Variants in ABHD2 observed in about 807,000 individuals in gnomAD.
ABHD2 encodes abhydrolase domain containing 2, acylglycerol lipase, also known as monoacylglycerol lipase ABHD2.
In ABHD2, 20 loss-of-function variants were observed where a neutral mutation model predicts 48.1. That is an observed-to-expected ratio of 0.42 (90% CI 0.29 to 0.60). The LOEUF (loss-of-function observed/expected upper bound fraction) is 0.60, where lower values mean the gene tolerates loss of function less well. Ranked by LOEUF, ABHD2 falls within the 20% of genes least tolerant of loss-of-function variation. The pLI is 0.24. For synonymous variants in ABHD2, 209 were observed against 214.2 expected, an observed-to-expected ratio of 0.98 and a Z score of 0.21; for missense variants, 405 against 550.9, an observed-to-expected ratio of 0.74 and a Z score of 2.65.
rs1029584266 is a variant in ABHD2, at chr15:89,197,912, T to C, written c.*2489T>C. 6.6e-6 allele frequency: 1 copy of C among 152,248 alleles called. No individual in the cohort carries two copies. Among genetic ancestry groups the C allele is most frequent in the Non-Finnish European group, 1.5e-5 (1 of 68,050 alleles). The allele number at this position is 152,248 out of a possible 1,614,324, so 9.4% of individuals were successfully genotyped here. A position where few individuals can be genotyped will look rare whatever the true frequency, so the allele number is the denominator to read the frequency against. On this transcript the variant is annotated 3_prime_UTR_variant, in exon 11 of 11. Coordinates refer to ENST00000352732, the MANE Select transcript of ABHD2 (RefSeq NM_152924.5). The surrounding 1 kb of genome is among the most constrained non-coding windows in gnomAD (Gnocchi z 4.4). ...ACTAACTGAAGCCCTTTGTTCAAGCTTCAGGCTCTTAGGCATGGAAATGAG... is the reference window on the plus strand; with the variant it reads ...ACTAACTGAAGCCCTTTGTTCAAGCCTCAGGCTCTTAGGCATGGAAATGAG...
chr15:89,130,595 C>T lies in ABHD2; in HGVS notation c.194+14074C>T, dbSNP rs74386477. 3.7e-3 allele frequency among the ~76,000 whole-genome samples: 569 copies of T among 152,246 alleles called. 5 individuals carry two copies. The highest frequency in any genetic ancestry group is 0.013 in the African/African-American group (550 of 41,542). On this transcript the variant is annotated intron_variant, in intron 3 of 10. Coordinates refer to ENST00000352732, the MANE Select transcript of ABHD2 (RefSeq NM_152924.5). Reference sequence around the variant, plus strand: ...ATGGCTTTAGGCTGCTAAAAGCCTACAAAAGAAACAGAACAATAACAACAA... The same window carrying T: ...ATGGCTTTAGGCTGCTAAAAGCCTATAAAAGAAACAGAACAATAACAACAA...
At position 89,120,536 on chromosome 15, in the gene ABHD2, G is replaced by A. The variant is rs577828747; in HGVS notation, c.194+4015G>A. 4.6e-5 allele frequency among the ~76,000 whole-genome samples: 7 copies of A among 152,198 alleles called. No individual in the cohort carries two copies. In the South Asian group the frequency reaches 1.5e-3, roughly 32 times the overall value. On this transcript the variant is annotated intron_variant, in intron 3 of 10. Transcript: ENST00000352732. The surrounding 1 kb of genome is among the most constrained non-coding windows in gnomAD (Gnocchi z 4.2). ...ACTCTGTTGCCTAGGCTGGAGTACA[G>A]TGGCGCAATCTCAAATCTCGGTTCA...
At chr15:89,183,384 A>AAAAATATATATATATATAT (rs61602174) in intron 6 of ABHD2, 1 of 46,268 alleles carries the variant, frequency 2.2e-5, no homozygotes, top group African/African-American at 6.9e-5. Flanking sequence ...AAAAAAAAAA[A>AAAAATATATATATATATAT]ATATATATAT....
rs981623858 is a variant in ABHD2, at chr15:89,199,938, C to T, written c.*4515C>T. 6.6e-6 allele frequency: 1 copy of T among 152,530 alleles called. No homozygotes were observed. Among genetic ancestry groups the T allele is most frequent in the Non-Finnish European group, 1.5e-5 (1 of 68,052 alleles). 9.4% of individuals were successfully genotyped at this position (152,530 alleles called of 1,614,324 possible). Reference sequence around the variant, plus strand: ...GAGGGAACTGGAATGCCACACAAGGCAAGGCCTGCTTCCTTCCTTCCCCTC... The same window carrying T: ...GAGGGAACTGGAATGCCACACAAGGTAAGGCCTGCTTCCTTCCTTCCCCTC... On this transcript the variant is annotated 3_prime_UTR_variant, in exon 11 of 11. Transcript: ENST00000352732. The surrounding 1 kb of genome is among the most constrained non-coding windows in gnomAD (Gnocchi z 4.1).
chr15:89,117,776 A>AG (rs1400001076), intron 3 of ABHD2, among the ~76,000 whole-genome samples: 7 of 152,224 alleles, frequency 4.6e-5, no homozygotes, highest in African/African-American at 1.7e-4. Context: ...CTCTTCTAAG[A>AG]GCAGACAAAT....
chr15:89,169,286 A>G (rs1173108787), intron 5 of ABHD2, among the ~76,000 whole-genome samples: 1 of 152,174 alleles, frequency 6.6e-6, no homozygotes, highest in Non-Finnish European at 1.5e-5. Context: ...ATGAGTAGAC[A>G]TGGCCCTACT....
In ABHD2 at chr15:89,182,909, C is replaced by G. The variant is rs2051136693; in HGVS notation, c.723-2515C>G. ...TTGTGATTTGCATCTAAAATTGAACCCCAGTGTAGCCACTACCAGCTCCAA... is the reference window on the plus strand; with the variant it reads ...TTGTGATTTGCATCTAAAATTGAACGCCAGTGTAGCCACTACCAGCTCCAA... On this transcript the variant is annotated intron_variant, in intron 6 of 10. Transcript: ENST00000352732. The surrounding 1 kb of genome is among the most constrained non-coding windows in gnomAD (Gnocchi z 4.8). 1.3e-5 allele frequency among the ~76,000 whole-genome samples: 2 copies of G among 152,110 alleles called. No homozygotes were observed. The highest frequency in any genetic ancestry group is 6.5e-5 in the Admixed American group (1 of 15,274).
At chr15:89,052,520 GAGACAGACAGAC>G in the ABHD2 span, among the ~76,000 whole-genome samples, 63,167 of 142,168 alleles carry the variant, frequency 0.44, 15,286 homozygotes, top group Non-Finnish European at 0.55. Context: ...TTTGGACCCA[GAGACAGACAGAC>G]AGACAGACAG....
rs1596066071 is a variant in ABHD2, at chr15:89,104,359, G to C, written c.-106-9366G>C. ...ATCATCTGGGCTTGTTCTCATCCCT[G>C]CTGAATTGGCAGGGGAGGAGAGGGT... On this transcript the variant is annotated intron_variant, in intron 1 of 10. Coordinates refer to ENST00000352732, the MANE Select transcript of ABHD2 (RefSeq NM_152924.5). This position sits in a 1 kb window ranked among gnomAD's most constrained non-coding sequence, Gnocchi z 4.4. The C allele has an allele frequency of 6.6e-6, 1 of 152,234 alleles. No homozygotes were observed. Among genetic ancestry groups the C allele is most frequent in the African/African-American group, 2.4e-5 (1 of 41,452 alleles). The allele number at this position is 152,234 out of a possible 1,614,324, so 9.4% of individuals were successfully genotyped here.
the ABHD2 span, among the ~76,000 whole-genome samples, chr15:89,053,630 T>C: frequency 3.9e-5 from 6 of 152,044 alleles, no homozygotes; most frequent in East Asian, 1.9e-4. Context: ...GCAGAGGCCA[T>C]GGAAGAATCA....
chr15:89,195,152 C>G lies in ABHD2; in HGVS notation c.1082-75C>G. On this transcript the variant is annotated intron_variant, in intron 10 of 10. Coordinates refer to ENST00000352732, the MANE Select transcript of ABHD2 (RefSeq NM_152924.5). This position sits in a 1 kb window ranked among gnomAD's most constrained non-coding sequence, Gnocchi z 5.1. Reference sequence around the variant, plus strand: ...TGCGGGGACAGCCAGGCTACCCTAGCCAGCTCACCTCTGCACCTCCTGTCC... The same window carrying G: ...TGCGGGGACAGCCAGGCTACCCTAGGCAGCTCACCTCTGCACCTCCTGTCC... 1 of 1,531,314 alleles carries G rather than the reference C, an allele frequency of 6.5e-7. No homozygotes were observed. The highest frequency in any genetic ancestry group is 8.8e-7 in the Non-Finnish European group (1 of 1,132,566). The allele number at this position is 1,531,314 out of a possible 1,614,324, so 94.9% of individuals were successfully genotyped here. A position where few individuals can be genotyped will look rare whatever the true frequency, so the allele number is the denominator to read the frequency against.
At chr15:89,154,728 G>A (rs1467088226) in intron 4 of ABHD2, among the ~76,000 whole-genome samples, 2 of 152,064 alleles carry the variant, frequency 1.3e-5, no homozygotes, top group Admixed American at 6.6e-5. Flanking sequence ...ATTTTTAAGG[G>A]CTTCATAATA....
At chr15:89,045,063 C>T in the ABHD2 span, among the ~76,000 whole-genome samples, 1,162 of 152,198 alleles carry the variant, frequency 7.6e-3, 14 homozygotes, top group Non-Finnish European at 0.014. Flanking sequence ...CTTTAATCCA[C>T]CTTGAATTGA....
the ABHD2 span, among the ~76,000 whole-genome samples, chr15:89,068,541 A>G: frequency 2.0e-5 from 3 of 152,096 alleles, no homozygotes; most frequent in Admixed American, 6.5e-5. Flanking sequence ...TGGTCCCTCC[A>G]TGTGTTCTCT....
At chr15:89,066,564 A>T in the ABHD2 span, among the ~76,000 whole-genome samples, 4 of 152,032 alleles carry the variant, frequency 2.6e-5, no homozygotes, top group Non-Finnish European at 4.4e-5. Flanking sequence ...TTTTGGGGGG[A>T]CACAATTCAA....
intron 3 of ABHD2, among the ~76,000 whole-genome samples, chr15:89,132,601 C>T (rs2050237827): frequency 6.6e-6 from 1 of 151,880 alleles, no homozygotes; most frequent in African/African-American, 2.4e-5. Flanking sequence ...CTTCTAATTT[C>T]TTATAGCTAT....
intron 3 of ABHD2, among the ~76,000 whole-genome samples, chr15:89,143,724 G>A (rs1276476782): frequency 6.6e-6 from 1 of 151,658 alleles, no homozygotes; most frequent in East Asian, 1.9e-4. Context: ...TAGACATAGA[G>A]ATGAAAATAG....
chr15:89,093,299 GC>G (rs1232594794), intron 1 of ABHD2, among the ~76,000 whole-genome samples: 3 of 148,812 alleles, frequency 2.0e-5, no homozygotes, highest in Non-Finnish European at 4.4e-5. Flanking sequence ...TCCTGCCTCA[GC>G]CTCTCAAGTA....
upstream of ABHD2, among the ~76,000 whole-genome samples, chr15:89,086,702 A>G (rs904537981): frequency 6.6e-6 from 1 of 152,232 alleles, no homozygotes; most frequent in African/African-American, 2.4e-5. Context: ...GTACCGGTCC[A>G]TGTTTTGATA....
Sources: gnomAD v4.1 joint callset for allele counts (sites outside exome capture counted in the v4.1 genomes callset) on GRCh38, gnomAD v4.1.1 for gene constraint, Gnocchi (gnomAD v3.1) non-coding constraint, MANE v1.5 for transcripts, NCBI Gene and HGNC (gene_info 2026-07-23, HGNC 2026-07-21) for gene names.